DISP2: variants seen among roughly 807,000 people sequenced by gnomAD.
DISP2 encodes dispatched RND transporter family member 2.
Under a neutral mutation model 95.5 loss-of-function variants are expected in DISP2, and 59 were observed. The observed-to-expected ratio is 0.62, with a 90% confidence interval of 0.50 to 0.77. The LOEUF (loss-of-function observed/expected upper bound fraction) is 0.77, where lower values mean the gene tolerates loss of function less well. Ranked by LOEUF, DISP2 falls within the 30% of genes least tolerant of loss-of-function variation. DISP2 has a pLI of 0.00. For missense variants in DISP2, 1,752 were observed against 1,854.6 expected, an observed-to-expected ratio of 0.94 and a Z score of 1.02; for synonymous variants, 827 against 815.0, an observed-to-expected ratio of 1.01 and a Z score of -0.25.
rs761058734 is a variant in DISP2 at position 40,368,487 on chromosome 15, A to G, written c.2375A>G (p.Asn792Ser). Residue 792 changes from asparagine to serine, a missense_variant, in exon 8 of 8, where the codon AAC becomes AGC. Physicochemically the swap from Asn to Ser is conservative, Grantham distance 46 (BLOSUM62 1). Around this residue, in one of 5 missense-constraint regions of DISP2, gnomAD observed 732 missense variants for 714.6 expected, o/e 1.02. Coordinates refer to ENST00000267889, the MANE Select transcript of DISP2 (RefSeq NM_033510.3). ...DTGDPLDPRS[N>S]SSLVRDPAFS... ...GGCGACCCTCTGGACCCTCGTAGCA[A>G]CAGCAGCCTGGTGAGGGACCCTGCC... 1 of 1,608,660 alleles carries G rather than the reference A, an allele frequency of 6.2e-7. No homozygotes were observed. The highest frequency in any genetic ancestry group is 8.5e-7 in the Non-Finnish European group (1 of 1,179,870).
rs1457013296 is a variant in DISP2 at position 40,368,624 on chromosome 15, G to A, written c.2512G>A (p.Val838Met). 1.9e-6 allele frequency: 3 copies of A among 1,608,396 alleles called. No homozygotes were observed. Among genetic ancestry groups the A allele is most frequent in the East Asian group, 4.5e-5 (2 of 44,870 alleles). The change falls in exon 8 of 8, where the codon GTG becomes ATG. Residue 838 changes from valine to methionine, a missense_variant. Around this residue, in one of 5 missense-constraint regions of DISP2, gnomAD observed 317 missense variants for 394.9 expected, o/e 0.80. Coordinates refer to ENST00000267889, the MANE Select transcript of DISP2 (RefSeq NM_033510.3). ...GGAAGGCTGGCCCACGCTGTGTTTC[G>A]TGGAGACCCTCCAGCGCTGGATGGA... ...LQEGWPTLCF[V>M]ETLQRWMESP...
intron 6 of DISP2, 107 bp downstream of exon 6, chr15:40,365,381 C>T: frequency 6.7e-7 from 1 of 1,502,938 alleles, no homozygotes; most frequent in Non-Finnish European, 8.9e-7. Context: ...GGAAGGTGGC[C>T]AGCTGGCCAC....
At chr15:40,358,507 C>A in intron 1 of DISP2, 67 bp downstream of exon 1, 1 of 1,122,230 alleles carries the variant, frequency 8.9e-7, no homozygotes, top group Non-Finnish European at 1.1e-6. Context: ...CCAGGTATCC[C>A]CAGTAGCCGC....
Position 40,370,653 on chromosome 15 carries a change from C to T in DISP2, c.*335C>T, listed in dbSNP as rs1402062159. On this transcript the variant is annotated 3_prime_UTR_variant, in exon 8 of 8. Transcript: ENST00000267889. ...CGGGTATCAGAGGAGGCTGACCTGGCCCCCATCCCAAGTTACAAGAACTTC... is the reference window on the plus strand; with the variant it reads ...CGGGTATCAGAGGAGGCTGACCTGGTCCCCATCCCAAGTTACAAGAACTTC... 3.7e-6 allele frequency: 2 copies of T among 534,152 alleles called. No homozygotes were observed. Among genetic ancestry groups the T allele is most frequent in the South Asian group, 1.5e-5 (1 of 65,260 alleles). 33.1% of individuals were successfully genotyped at this position (534,152 alleles called of 1,614,324 possible).
In DISP2 at chr15:40,369,653, G is replaced by T; in HGVS notation, c.3541G>T (p.Ala1181Ser). The T allele has an allele frequency of 6.2e-7, 1 of 1,611,872 alleles. No homozygotes were observed. ...GAGCCCCAGCTTTGACACCAGCACA[G>T]CCACCAGCAAGCTGTCCCACCGGCC... is the stretch of plus-strand genomic sequence containing the variant. The part of the protein sequence containing the change: ...RRSPSFDTST[A>S]TSKLSHRPSV... Residue 1181 changes from alanine to serine, a missense_variant, in exon 8 of 8, where the codon GCC becomes TCC. Ala to Ser is a moderately conservative substitution (Grantham distance 99). This residue lies in a region of DISP2 where 347 missense variants were observed against 344.2 expected (regional missense o/e 1.01). Transcript: ENST00000267889.
In DISP2 at chr15:40,367,354, T is replaced by G; in HGVS notation, c.1242T>G (p.Phe414Leu). The G allele has an allele frequency of 6.2e-7, 1 of 1,613,468 alleles. No homozygotes were observed. The highest frequency in any genetic ancestry group is 1.1e-5 in the South Asian group (1 of 91,048). ...GTGCCATCTACCAACTCCTGCACTTTCTGCTTGACAGGGACTTTCTGAGTC... is the reference window on the plus strand; with the variant it reads ...GTGCCATCTACCAACTCCTGCACTTGCTGCTTGACAGGGACTTTCTGAGTC... Reference protein sequence around the residue: ...QSSAIYQLLHFLLDRDFLSPQ... With the variant: ...QSSAIYQLLHLLLDRDFLSPQ... The change falls in exon 8 of 8, where the codon TTT (phenylalanine) becomes TTG (leucine). Residue 414 changes from phenylalanine (F) to leucine (L), a missense_variant. Physicochemically the swap from Phe to Leu is conservative, Grantham distance 22 (BLOSUM62 0). Around this residue, in one of 5 missense-constraint regions of DISP2, gnomAD observed 732 missense variants for 714.6 expected, o/e 1.02. Coordinates refer to ENST00000267889, the MANE Select transcript of DISP2 (RefSeq NM_033510.3).
At chr15:40,364,700 G>A in intron 4 of DISP2, 138 bp from the exon 5 acceptor site, 1 of 1,411,214 alleles carries the variant, frequency 7.1e-7, no homozygotes, top group Non-Finnish European at 9.6e-7. Context: ...ATGGTATAAA[G>A]TTCAGACTCA....
At position 40,369,906 on chromosome 15, in the gene DISP2, A is replaced by T. The variant is rs773038781; in HGVS notation, c.3794A>T (p.Glu1265Val). The change falls in exon 8 of 8, where the codon GAA (glutamate) becomes GTA (valine). Residue 1265 changes from glutamate to valine, a missense_variant. Glu to Val is a moderately radical substitution (Grantham distance 121). Around this residue, in one of 5 missense-constraint regions of DISP2, gnomAD observed 347 missense variants for 344.2 expected, o/e 1.01. Coordinates refer to ENST00000267889, the MANE Select transcript of DISP2 (RefSeq NM_033510.3). ...GCTGAGCCCCTGCCAGCCTCACCAG[A>T]AGCCCCAGCCCACTCTCCTAAGGCC... ...EEAEPLPASP[E>V]APAHSPKAKA... The T allele has an allele frequency of 3.8e-6, 6 of 1,569,620 alleles. No individual in the cohort carries two copies. Among genetic ancestry groups the T allele is most frequent in the Non-Finnish European group, 4.3e-6 (5 of 1,156,740 alleles).
At position 40,365,635 on chromosome 15, in the gene DISP2, C is replaced by T. The variant is rs1441840091; in HGVS notation, c.855C>T (p.Ser285=). The stretch of plus-strand genomic sequence containing the variant: ...TGCGGGGGTATGTTGCAGAGAAGAG[C>T]TATGCAAAGCTGGTGTTCATGTCCA... ...ENFFCGPPEK[S]YAKLVFMSTS... The change falls in exon 7 of 8, where the codon AGC becomes AGT. Residue 285 remains serine (S), a synonymous_variant. Coordinates refer to ENST00000267889, the MANE Select transcript of DISP2 (RefSeq NM_033510.3). 1.2e-6 allele frequency: 2 copies of T among 1,613,970 alleles called. No individual in the cohort carries two copies. Among genetic ancestry groups the T allele is most frequent in the East Asian group, 4.5e-5 (2 of 44,892 alleles).
At position 40,370,831 on chromosome 15, in the gene DISP2, A is replaced by G; in HGVS notation, c.*513A>G. On this transcript the variant is annotated 3_prime_UTR_variant, in exon 8 of 8. Coordinates refer to ENST00000267889, the MANE Select transcript of DISP2 (RefSeq NM_033510.3). Reference sequence around the variant, plus strand: ...CTCTCTTTTGGGAGCTTCTCTGGGCAGAATTGGGCTGGGACCTCTCTCCCC... The same window carrying G: ...CTCTCTTTTGGGAGCTTCTCTGGGCGGAATTGGGCTGGGACCTCTCTCCCC... The G allele has an allele frequency of 2.9e-6, 1 of 345,078 alleles. No individual in the cohort carries two copies. Among genetic ancestry groups the G allele is most frequent in the East Asian group, 7.5e-5 (1 of 13,272 alleles). 21.4% of individuals were successfully genotyped at this position (345,078 alleles called of 1,614,324 possible).
In DISP2 at chr15:40,370,209, G is replaced by A. The variant is rs370474908; in HGVS notation, c.4097G>A (p.Arg1366Gln). The A allele has an allele frequency of 6.4e-5, 103 of 1,610,712 alleles. No homozygotes were observed. The highest frequency in any genetic ancestry group is 1.1e-4 in the African/African-American group (8 of 74,920). Residue 1366 changes from arginine to glutamine, a missense_variant, in exon 8 of 8, where the codon CGA becomes CAA. By Grantham distance (43) the Arg-to-Gln change is conservative (BLOSUM62 1). This residue lies in a region of DISP2 where 347 missense variants were observed against 344.2 expected (regional missense o/e 1.01). Coordinates refer to ENST00000267889, the MANE Select transcript of DISP2 (RefSeq NM_033510.3). Reference sequence around the variant, plus strand: ...CACAGCAGCTTGTCCTGGAAGGGCCGAGGGGGGCCAGGGGATGGCAGCCCT... The same window carrying A: ...CACAGCAGCTTGTCCTGGAAGGGCCAAGGGGGGCCAGGGGATGGCAGCCCT... ...SHHSSLSWKG[R>Q]GGPGDGSPVV...
At position 40,374,014 on chromosome 15, in the gene DISP2, A is replaced by AAAAAAAAAAAAAAAAAAAT; in HGVS notation, c.*3697_*3698insAAAAAAAAAAAAAAAAATA. The AAAAAAAAAAAAAAAAAAAT allele has an allele frequency of 9.6e-6, 1 of 104,196 alleles. No individual in the cohort carries two copies. Among genetic ancestry groups the AAAAAAAAAAAAAAAAAAAT allele is most frequent in the Middle Eastern group, 4.1e-3 (1 of 246 alleles). The allele number at this position is 104,196 out of a possible 1,614,324, so 6.5% of individuals were successfully genotyped here. A position where few individuals can be genotyped will look rare whatever the true frequency, so the allele number is the denominator to read the frequency against. On this transcript the variant is annotated 3_prime_UTR_variant, in exon 8 of 8. Coordinates refer to ENST00000267889, the MANE Select transcript of DISP2 (RefSeq NM_033510.3). ...GCGAGACTCCATCTTAAAAAAAAAA[A>AAAAAAAAAAAAAAAAAAAT]ATATATATATATATATATGTAAACT...
At chr15:40,364,194 G>GGCAA in intron 2 of DISP2, 32 bp from the exon 3 acceptor site, 1 of 1,613,748 alleles carries the variant, frequency 6.2e-7, no homozygotes, top group Non-Finnish European at 8.5e-7. Context: ...AGAGAACTCT[G>GGCAA]GCAAGCAAGC....
Position 40,369,368 on chromosome 15 carries a change from C to G in DISP2, c.3256C>G (p.Arg1086Gly), listed in dbSNP as rs143426346. Reference sequence around the variant, plus strand: ...GCTGCCTGCCACAGTGCTGCTCTATCGCAAGCTGGGCATCATCCTCATGAT... The same window carrying G: ...GCTGCCTGCCACAGTGCTGCTCTATGGCAAGCTGGGCATCATCCTCATGAT... ...LMLPATVLLY[R>G]KLGIILMMVK... The change falls in exon 8 of 8, where the codon CGC becomes GGC. Residue 1086 changes from arginine to glycine, a missense_variant. Arg to Gly is a moderately radical substitution (Grantham distance 125). This residue lies in a region of DISP2 where 317 missense variants were observed against 394.9 expected (regional missense o/e 0.80). Coordinates refer to ENST00000267889, the MANE Select transcript of DISP2 (RefSeq NM_033510.3). 1 of 1,613,582 alleles carries G rather than the reference C, an allele frequency of 6.2e-7. No homozygotes were observed. The highest frequency in any genetic ancestry group is 1.1e-5 in the South Asian group (1 of 91,086).
In DISP2 at chr15:40,367,696, C is replaced by A; in HGVS notation, c.1584C>A (p.Phe528Leu). 6.2e-7 allele frequency: 1 copy of A among 1,613,856 alleles called. No individual in the cohort carries two copies. ...TGCTGGGCTCACTGCTGGTGGCCTTCTTCCTTTACCAGGTGGCCTTCCGCA... is the reference window on the plus strand; with the variant it reads ...TGCTGGGCTCACTGCTGGTGGCCTTATTCCTTTACCAGGTGGCCTTCCGCA... ...LGVLGSLLVAFFLYQVAFRMA... is the reference protein window; with the variant it reads ...LGVLGSLLVALFLYQVAFRMA... The change falls in exon 8 of 8, where the codon TTC (phenylalanine) becomes TTA (leucine). Residue 528 changes from phenylalanine to leucine, a missense_variant. Physicochemically the swap from Phe to Leu is conservative, Grantham distance 22 (BLOSUM62 0). This residue lies in a region of DISP2 where 732 missense variants were observed against 714.6 expected (regional missense o/e 1.02). Coordinates refer to ENST00000267889, the MANE Select transcript of DISP2 (RefSeq NM_033510.3).
Position 40,370,394 on chromosome 15 carries a change from C to G in DISP2, c.*76C>G. ...AGGCAAGGGCAGCAATAGGCTGGAG[C>G]CCGAAGGTATTTCTCCAGATCCACA... On this transcript the variant is annotated 3_prime_UTR_variant, in exon 8 of 8. Transcript: ENST00000267889. The G allele has an allele frequency of 6.7e-7, 1 of 1,499,416 alleles. No individual in the cohort carries two copies. The highest frequency in any genetic ancestry group is 1.3e-5 in the South Asian group (1 of 75,598). The allele number at this position is 1,499,416 out of a possible 1,614,324, so 92.9% of individuals were successfully genotyped here. A position where few individuals can be genotyped will look rare whatever the true frequency, so the allele number is the denominator to read the frequency against.
intron 7 of DISP2, 146 bp from the exon 8 acceptor site, chr15:40,366,912 G>A: frequency 2.7e-6 from 3 of 1,100,754 alleles, no homozygotes. Context: ...GCAGCTGGGA[G>A]ACAAGCCTAT....
In DISP2 at chr15:40,368,529, C is replaced by T. The variant is rs1889560469; in HGVS notation, c.2417C>T (p.Pro806Leu). Residue 806 changes from proline (P) to leucine (L), a missense_variant, in exon 8 of 8, where the codon CCT becomes CTT. Around this residue, in one of 5 missense-constraint regions of DISP2, gnomAD observed 732 missense variants for 714.6 expected, o/e 1.02. Transcript: ENST00000267889. ...GACCCTGCCTTCTCGGCCAGCGGCC[C>T]TGAGGCCCAGCGCTGGCTGCTGGCA... ...VRDPAFSASG[P>L]EAQRWLLALC... is the part of the protein sequence containing the mutation. 2 of 1,605,504 alleles carry T rather than the reference C, an allele frequency of 1.2e-6. No individual in the cohort carries two copies. The highest frequency in any genetic ancestry group is 2.2e-5 in the East Asian group (1 of 44,884).
chr15:40,362,498 C>A (rs754257255), intron 1 of DISP2, among the ~76,000 whole-genome samples: 1 of 152,198 alleles, frequency 6.6e-6, no homozygotes, highest in African/African-American at 2.4e-5. Flanking sequence ...AAGGCACTAC[C>A]AAGGCACTGG....
Sources: gnomAD v4.1 joint callset for allele counts (sites outside exome capture counted in the v4.1 genomes callset) on GRCh38, gnomAD v4.1.1 for gene constraint, gnomAD v4.1.1 regional missense constraint, MANE v1.5 for transcripts, NCBI Gene and HGNC (gene_info 2026-07-23, HGNC 2026-07-21) for gene names.